DAB1: variants seen among roughly 807,000 people sequenced by gnomAD.
DAB1 encodes the protein DAB adaptor protein 1.
Under a neutral mutation model 64.6 loss-of-function variants are expected in DAB1, and 15 were observed. The observed-to-expected ratio is 0.23, with a 90% CI of 0.16 to 0.36. The LOEUF (loss-of-function observed/expected upper bound fraction) is 0.36, where lower values mean the gene tolerates loss of function less well. Ranked by LOEUF, DAB1 falls within the 10% of genes least tolerant of loss-of-function variation. DAB1 has a pLI of 1.00. For missense variants in DAB1, 596 were observed against 706.7 expected (o/e 0.84, Z 1.78); for synonymous variants, 235 against 251.9 (o/e 0.93, Z 0.64).
At chr1:58,246,956 A>G (rs1660566160) in intron 4 of DAB1, among the ~76,000 whole-genome samples, 1 of 152,006 alleles carries the variant, frequency 6.6e-6, no homozygotes, top group African/African-American at 2.4e-5. Flanking sequence ...GGAGGGAGTA[A>G]GACGGCCAGA....
intron 6 of DAB1, among the ~76,000 whole-genome samples, chr1:57,707,292 T>C (rs1163844505): frequency 1.3e-5 from 2 of 152,156 alleles, no homozygotes; most frequent in African/African-American, 2.4e-5. Context: ...TAGATTTTTT[T>C]TTATCCATCA....
intron 5 of DAB1, among the ~76,000 whole-genome samples, chr1:58,085,602 A>C (rs1302371502): frequency 1.3e-5 from 2 of 151,962 alleles, no homozygotes; most frequent in African/African-American, 4.8e-5. Context: ...TCCTGGACTC[A>C]AGCAATCCCC....
At chr1:57,036,624 T>A (rs1647163329) in intron 9 of DAB1, among the ~76,000 whole-genome samples, 1 of 152,256 alleles carries the variant, frequency 6.6e-6, no homozygotes, top group Admixed American at 6.5e-5. Flanking sequence ...AAGTCTTTTT[T>A]GTTTTGTTTC....
intron 6 of DAB1, among the ~76,000 whole-genome samples, chr1:57,673,882 T>G (rs1433099306): frequency 6.6e-6 from 1 of 152,178 alleles, no homozygotes; most frequent in African/African-American, 2.4e-5. Context: ...ATTTGGGTAT[T>G]TTCTATTCTT....
At chr1:58,376,505 A>G (rs1644328070) in intron 3 of DAB1, among the ~76,000 whole-genome samples, 1 of 142,928 alleles carries the variant, frequency 7.0e-6, no homozygotes, top group African/African-American at 2.6e-5. Context: ...GAGATTCTTA[A>G]TCCTGAGTTC....
At chr1:58,166,508 G>A (rs1354144454) in intron 4 of DAB1, among the ~76,000 whole-genome samples, 1 of 152,118 alleles carries the variant, frequency 6.6e-6, no homozygotes, top group East Asian at 1.9e-4. Flanking sequence ...TTATTCCACT[G>A]CCTGGGTATA....
chr1:57,522,097 G>A (rs999389539), intron 7 of DAB1, among the ~76,000 whole-genome samples: 24 of 150,584 alleles, frequency 1.6e-4, no homozygotes, highest in African/African-American at 5.2e-4. Context: ...GCGACAGAGC[G>A]AGACTCCATC....
chr1:57,057,786 T>A (rs563321531), intron 9 of DAB1, among the ~76,000 whole-genome samples: 141 of 150,486 alleles, frequency 9.4e-4, no homozygotes, highest in Non-Finnish European at 1.8e-3. Flanking sequence ...TTTTTTGTAT[T>A]TTTAGTAGAG....
At chr1:57,563,551 T>C (rs1032868064) in intron 7 of DAB1, among the ~76,000 whole-genome samples, 2 of 152,152 alleles carry the variant, frequency 1.3e-5, no homozygotes, top group African/African-American at 4.8e-5. Flanking sequence ...CAAGGGAAGC[T>C]GTGACAGATG....
At chr1:57,833,413 T>A (rs565697554) in intron 1 of DAB1, among the ~76,000 whole-genome samples, 4 of 152,178 alleles carry the variant, frequency 2.6e-5, no homozygotes, top group African/African-American at 9.7e-5. Context: ...ATCTTCCCTA[T>A]AAAAAAGAAA....
chr1:57,241,624 G>A (rs891879986), intron 2 of DAB1, among the ~76,000 whole-genome samples: 1 of 152,162 alleles, frequency 6.6e-6, no homozygotes, highest in South Asian at 2.1e-4. Flanking sequence ...CTGCCACCAA[G>A]GTTTGCAGTT....
At chr1:57,327,166 C>T (rs926214485) in intron 1 of DAB1, among the ~76,000 whole-genome samples, 2 of 151,988 alleles carry the variant, frequency 1.3e-5, no homozygotes, top group Non-Finnish European at 2.9e-5. Flanking sequence ...GTCTTGTACT[C>T]CTGGCCTCAC....
At chr1:57,908,722 T>C (rs1229929518) in intron 5 of DAB1, among the ~76,000 whole-genome samples, 1 of 152,164 alleles carries the variant, frequency 6.6e-6, no homozygotes, top group African/African-American at 2.4e-5. Context: ...AACCAGGGTC[T>C]GTTCTGCTTC....
At chr1:57,347,374 A>G (rs529147295) in intron 1 of DAB1, among the ~76,000 whole-genome samples, 1 of 152,274 alleles carries the variant, frequency 6.6e-6, no homozygotes, top group South Asian at 2.1e-4. Flanking sequence ...TTCTCACCCA[A>G]TATATTAAGG....
rs147376855 is a variant in DAB1 at position 58,379,789 on chromosome 1, G to C, written n.258-36386C>G. Among the ~76,000 whole-genome samples, 35 of 152,236 alleles carry C rather than the reference G, an allele frequency of 2.3e-4. No homozygotes were observed. In the East Asian group the frequency reaches 6.2e-3, roughly 27 times the overall value. ...TGAGTACTGTGGAGTAGGAAAACAC[G>C]GTATATGGAAGTTAAGGTATGCAGG... On this transcript the variant is annotated intron_variant and non_coding_transcript_variant, in intron 3 of 20. Transcript: ENST00000485760.
At chr1:57,661,945 C>G (rs1345930672) in intron 6 of DAB1, among the ~76,000 whole-genome samples, 1 of 151,914 alleles carries the variant, frequency 6.6e-6, no homozygotes, top group African/African-American at 2.4e-5. Flanking sequence ...GAGTTTTGGC[C>G]TCAGGAATAA....
intron 14 of DAB1, among the ~76,000 whole-genome samples, chr1:57,003,833 A>G (rs1385688869): frequency 6.6e-6 from 1 of 152,220 alleles, no homozygotes; most frequent in African/African-American, 2.4e-5. Flanking sequence ...CAGTTTAATG[A>G]ACTTGACAAA....
At chr1:58,022,956 C>A (rs1402652412) in intron 5 of DAB1, among the ~76,000 whole-genome samples, 2 of 152,116 alleles carry the variant, frequency 1.3e-5, no homozygotes, top group African/African-American at 4.8e-5. Flanking sequence ...GAACACAATG[C>A]CTCACATGGC....
rs1447741565 is a variant in DAB1, at chr1:57,053,688, A to ATATTTTTT, written c.723+9195_723+9196insAAAAAATA. ...TATGTATATATATATATATATATAT[A>ATATTTTTT]TTTTTTTTTTTTTTTTTGAGACGGA... is the stretch of plus-strand genomic sequence containing the variant. On this transcript the variant is annotated intron_variant, in intron 9 of 14. Coordinates refer to ENST00000371236, the MANE Select transcript of DAB1 (RefSeq NM_001365792.1). Among the ~76,000 whole-genome samples, 38 of 71,400 alleles carry ATATTTTTT rather than the reference A, an allele frequency of 5.3e-4. 2 individuals carry two copies. Among genetic ancestry groups the ATATTTTTT allele is most frequent in the South Asian group, 3.5e-3 (6 of 1,696 alleles). The allele number at this position is 71,400 out of a possible 152,430, so 46.8% of individuals were successfully genotyped here. A position where few individuals can be genotyped will look rare whatever the true frequency, so the allele number is the denominator to read the frequency against.
Sources: gnomAD v4.1 joint callset for allele counts (sites outside exome capture counted in the v4.1 genomes callset) on GRCh38, gnomAD v4.1.1 for gene constraint, MANE v1.5 for transcripts, NCBI Gene and HGNC (gene_info 2026-07-23, HGNC 2026-07-21) for gene names.